SHROOM3: variants seen among roughly 807,000 people sequenced by gnomAD.
SHROOM3 encodes the protein protein Shroom3.
Under a neutral mutation model 138.6 loss-of-function variants are expected in SHROOM3, and 47 were observed. That is an observed-to-expected ratio of 0.34 (90% CI 0.27 to 0.43). SHROOM3 has a LOEUF of 0.43. Ranked by LOEUF, SHROOM3 falls within the 20% of genes least tolerant of loss-of-function variation. The pLI is 1.00. For missense variants in SHROOM3, 2,491 were observed against 2,596.5 expected, an observed-to-expected ratio of 0.96 and a Z score of 0.88; for synonymous variants, 1,062 against 1,063.3, an observed-to-expected ratio of 1.00 and a Z score of 0.02.
At chr4:76,658,496 G>C (rs1736114427) in intron 2 of SHROOM3, among the ~76,000 whole-genome samples, 1 of 152,166 alleles carries the variant, frequency 6.6e-6, no homozygotes, top group Non-Finnish European at 1.5e-5. Context: ...CAGATACTCT[G>C]TTAAGCATTA....
At chr4:76,723,696 G>C (rs1003399416) in intron 3 of SHROOM3, among the ~76,000 whole-genome samples, 1 of 152,174 alleles carries the variant, frequency 6.6e-6, no homozygotes, top group Non-Finnish European at 1.5e-5. Flanking sequence ...TAGTAGCTGT[G>C]CTGCTCACTA....
At position 76,780,020 on chromosome 4, in the gene SHROOM3, C is replaced by T. The variant is rs1329504003; in HGVS notation, c.*843C>T. The stretch of plus-strand genomic sequence containing the variant: ...CAAAGCTAAATTTTATTAACAAAGA[C>T]AACTCTCAGACCTATATAATAGGAG... On this transcript the variant is annotated 3_prime_UTR_variant, in exon 11 of 11. Transcript: ENST00000296043. 1 of 152,196 alleles carries T rather than the reference C, an allele frequency of 6.6e-6. No homozygotes were observed. Among genetic ancestry groups the T allele is most frequent in the Middle Eastern group, 3.2e-3 (1 of 316 alleles). The allele number at this position is 152,196 out of a possible 1,614,324, so 9.4% of individuals were successfully genotyped here. A position where few individuals can be genotyped will look rare whatever the true frequency, so the allele number is the denominator to read the frequency against.
intron 2 of SHROOM3, among the ~76,000 whole-genome samples, chr4:76,709,342 A>G (rs1227056399): frequency 1.3e-5 from 2 of 152,130 alleles, no homozygotes; most frequent in South Asian, 2.1e-4. Flanking sequence ...CCCCACAAAC[A>G]GAGATGATGA....
At chr4:76,517,139 T>A (rs1732459590) in intron 1 of SHROOM3, among the ~76,000 whole-genome samples, 1 of 152,210 alleles carries the variant, frequency 6.6e-6, no homozygotes, top group Admixed American at 6.5e-5. Context: ...AACTGCTTGG[T>A]CTTCTTTGCT....
At chr4:76,514,138 C>T (rs972371473) in intron 1 of SHROOM3, among the ~76,000 whole-genome samples, 10 of 152,128 alleles carry the variant, frequency 6.6e-5, no homozygotes, top group African/African-American at 2.4e-4. Flanking sequence ...CATGGACTTA[C>T]CATATGGCCA....
intron 1 of SHROOM3, among the ~76,000 whole-genome samples, chr4:76,476,429 A>G (rs1050095284): frequency 3.3e-5 from 5 of 152,186 alleles, no homozygotes; most frequent in African/African-American, 1.2e-4. Context: ...TTATTAAGAA[A>G]CTTGGCTTCA....
intron 2 of SHROOM3, among the ~76,000 whole-genome samples, chr4:76,686,774 G>C (rs1260806605): frequency 1.3e-5 from 2 of 152,110 alleles, no homozygotes; most frequent in African/African-American, 4.8e-5. Flanking sequence ...TTCACTGACA[G>C]TTGGATTTGT....
At chr4:76,653,196 G>A in intron 2 of SHROOM3, among the ~76,000 whole-genome samples, 1 of 152,046 alleles carries the variant, frequency 6.6e-6, no homozygotes, top group East Asian at 1.9e-4. Flanking sequence ...CCACTAAGCG[G>A]TCAGGGTTAG....
chr4:76,579,279 T>C (rs907708732), intron 2 of SHROOM3, among the ~76,000 whole-genome samples: 11 of 151,982 alleles, frequency 7.2e-5, no homozygotes, highest in Admixed American at 6.6e-5. Context: ...CCATCCTGGC[T>C]AACACGGTGA....
rs184349933 is a variant in SHROOM3 at position 76,761,650 on chromosome 4, G to A, written c.5349+1955G>A. Among the ~76,000 whole-genome samples the A allele has an allele frequency of 3.3e-4, 51 of 152,296 alleles. 1 individual carries two copies. In the East Asian group the frequency reaches 6.7e-3, roughly 20 times the overall value. ...CCCTGGGAACTGAGCTAAACTGGAG[G>A]TTCTCTGGGTATAACTAACCAGAGC... On this transcript the variant is annotated intron_variant, in intron 9 of 10. Transcript: ENST00000296043.
chr4:76,460,189 C>T (rs894034369), intron 1 of SHROOM3, among the ~76,000 whole-genome samples: 2 of 152,158 alleles, frequency 1.3e-5, no homozygotes, highest in African/African-American at 4.8e-5. Flanking sequence ...TTAAAAATGA[C>T]TTTAACTTAG....
chr4:76,686,762 C>A (rs1719347528), intron 2 of SHROOM3, among the ~76,000 whole-genome samples: 1 of 151,984 alleles, frequency 6.6e-6, no homozygotes, highest in African/African-American at 2.4e-5. Context: ...TTATATTTAT[C>A]TTTCACTGAC....
intron 2 of SHROOM3, among the ~76,000 whole-genome samples, chr4:76,654,160 G>A (rs1736017370): frequency 6.6e-6 from 1 of 152,154 alleles, no homozygotes; most frequent in African/African-American, 2.4e-5. Flanking sequence ...GGGTAGAGGA[G>A]GTGAGGACAC....
At chr4:76,608,698 C>T (rs28562272) in intron 2 of SHROOM3, among the ~76,000 whole-genome samples, 8,450 of 86,284 alleles carry the variant, frequency 0.098, 1,115 homozygotes, top group East Asian at 0.16. Context: ...CAGCACAGCA[C>T]AGCACAGCAC....
intron 2 of SHROOM3, among the ~76,000 whole-genome samples, chr4:76,700,790 T>C (rs1719881957): frequency 6.6e-6 from 1 of 151,910 alleles, no homozygotes; most frequent in South Asian, 2.1e-4. Context: ...TATTTATTTA[T>C]TTATTTTTGA....
Position 76,754,864 on chromosome 4 carries a change from C to A in SHROOM3, c.4381C>A (p.Gln1461Lys). ...AAACCTGAAGCACTATCAAAAACAG[C>A]AGAGTCTTCCAAGTTTATGCAGCAC... ...FANLKHYQKQ[Q>K]SLPSLCSTSD... is the part of the protein sequence containing the mutation. The change falls in exon 7 of 11, where the codon CAG becomes AAG. Residue 1461 changes from glutamine (Q) to lysine (K), a missense_variant. By Grantham distance (53) the Gln-to-Lys change is moderately conservative (BLOSUM62 1). Coordinates refer to ENST00000296043, the MANE Select transcript of SHROOM3 (RefSeq NM_020859.4). The A allele has an allele frequency of 6.2e-7, 1 of 1,614,182 alleles. No individual in the cohort carries two copies. The highest frequency in any genetic ancestry group is 8.5e-7 in the Non-Finnish European group (1 of 1,180,014).
At chr4:76,460,827 C>CAAAAAAAAA (rs58793404) in intron 1 of SHROOM3, among the ~76,000 whole-genome samples, 19 of 78,772 alleles carry the variant, frequency 2.4e-4, no homozygotes, top group African/African-American at 6.0e-4. Flanking sequence ...CCCGTATCTA[C>CAAAAAAAAA]AAAAAAAAAA....
chr4:76,627,272 C>T (rs1015648537), intron 2 of SHROOM3, among the ~76,000 whole-genome samples: 4 of 152,188 alleles, frequency 2.6e-5, no homozygotes, highest in Admixed American at 6.5e-5. Flanking sequence ...CTAGGGTTCA[C>T]GTAAAGCTTA....
At chr4:76,702,793 G>A (rs1719940327) in intron 2 of SHROOM3, among the ~76,000 whole-genome samples, 2 of 152,282 alleles carry the variant, frequency 1.3e-5, no homozygotes, top group Admixed American at 1.3e-4. Context: ...CTGTGTCAAA[G>A]GGCTCAGTGG....
Sources: gnomAD v4.1 joint callset for allele counts (sites outside exome capture counted in the v4.1 genomes callset) on GRCh38, gnomAD v4.1.1 for gene constraint, MANE v1.5 for transcripts, NCBI Gene and HGNC (gene_info 2026-07-23, HGNC 2026-07-21) for gene names.